Variants in SLC39A11 observed in about 807,000 individuals in gnomAD.
SLC39A11 encodes solute carrier family 39 member 11.
In SLC39A11, 33 loss-of-function variants were observed where a neutral mutation model predicts 36.1. The observed-to-expected ratio is 0.91, with a 90% CI of 0.69 to 1.22. The LOEUF is 1.22. Among genes scored for constraint, SLC39A11 ranks in the 50% most tolerant of loss-of-function variants. The probability of loss-of-function intolerance (pLI) is 0.00; values close to 1 mark genes in which losing one functional copy is unlikely to be tolerated. For missense variants in SLC39A11, 432 were observed against 430.3 expected (o/e 1.00, Z -0.03); for synonymous variants, 166 against 170.3 (o/e 0.97, Z 0.20).
intron 3 of SLC39A11, among the ~76,000 whole-genome samples, chr17:73,047,990 A>AAAAATATATAT (rs1555693446): frequency 1.2e-4 from 7 of 58,694 alleles, no homozygotes; most frequent in Non-Finnish European, 2.1e-4. Flanking sequence ...AAAAAAAAAA[A>AAAAATATATAT]ATATATATAT....
intron 6 of SLC39A11, among the ~76,000 whole-genome samples, chr17:72,820,708 A>G (rs1359523596): frequency 6.6e-6 from 1 of 151,146 alleles, no homozygotes; most frequent in East Asian, 1.9e-4. Flanking sequence ...GCATGGGGTG[A>G]GATGAGAGAT....
At position 73,084,726 on chromosome 17, in the gene SLC39A11, A is replaced by T. The variant is rs1049076097; in HGVS notation, c.147+82T>A. 24 of 1,375,124 alleles carry T rather than the reference A, an allele frequency of 1.7e-5. No homozygotes were observed. The South Asian group carries it at 2.5e-4, about 15-fold the overall frequency. The allele number at this position is 1,375,124 out of a possible 1,614,324, so 85.2% of individuals were successfully genotyped here. A position where few individuals can be genotyped will look rare whatever the true frequency, so the allele number is the denominator to read the frequency against. ...AGAGATGCATCTAGGTCGCAAGGGG[A>T]GGGACTGAAGACAGCCCTTGGCAGA... On this transcript the variant is annotated intron_variant, in intron 3 of 9. Coordinates refer to ENST00000255559, the MANE Select transcript of SLC39A11 (RefSeq NM_139177.4).
At chr17:72,999,045 T>C (rs1272213871) in intron 4 of SLC39A11, among the ~76,000 whole-genome samples, 4 of 152,290 alleles carry the variant, frequency 2.6e-5, no homozygotes, top group Non-Finnish European at 1.5e-5. Context: ...ACAATGAAGA[T>C]GGTGATGATT....
chr17:73,003,857 G>A (rs1222405598), intron 4 of SLC39A11, among the ~76,000 whole-genome samples: 4 of 152,046 alleles, frequency 2.6e-5, no homozygotes, highest in Admixed American at 6.6e-5. Flanking sequence ...AGGCTGAAGC[G>A]GGTGGATCAC....
intron 7 of SLC39A11, among the ~76,000 whole-genome samples, chr17:72,676,732 G>A (rs1367476344): frequency 3.9e-5 from 6 of 152,148 alleles, no homozygotes; most frequent in South Asian, 2.1e-4. Flanking sequence ...TATTGCTTAC[G>A]TCAAATGCTC....
chr17:72,866,642 CAGAG>C (rs1435719252), intron 5 of SLC39A11, among the ~76,000 whole-genome samples: 3 of 151,948 alleles, frequency 2.0e-5, no homozygotes, highest in Non-Finnish European at 4.4e-5. Context: ...TATACACAAC[CAGAG>C]AGAAAGACAA....
intron 4 of SLC39A11, among the ~76,000 whole-genome samples, chr17:72,975,585 C>T (rs2087785846): frequency 6.6e-6 from 1 of 152,200 alleles, no homozygotes; most frequent in African/African-American, 2.4e-5. Flanking sequence ...TCTGCTGCTG[C>T]CTTGACCTTG....
chr17:72,702,423 C>T (rs1293922297), intron 7 of SLC39A11, among the ~76,000 whole-genome samples: 2 of 152,102 alleles, frequency 1.3e-5, no homozygotes, highest in Admixed American at 6.5e-5. Flanking sequence ...GGGAAGGCAT[C>T]TAGTGGGAAG....
chr17:72,768,377 T>A (rs558422345), intron 6 of SLC39A11, among the ~76,000 whole-genome samples: 17 of 152,322 alleles, frequency 1.1e-4, no homozygotes, highest in African/African-American at 3.8e-4. Context: ...AAAGGCAAGA[T>A]AGTGAGGTGG....
intron 5 of SLC39A11, among the ~76,000 whole-genome samples, chr17:72,877,024 C>T (rs1372569456): frequency 1.3e-5 from 2 of 152,100 alleles, no homozygotes; most frequent in Non-Finnish European, 2.9e-5. Flanking sequence ...ACAAGGTAGG[C>T]TAAGAAAAAA....
chr17:72,784,859 TC>T (rs1403923088), intron 6 of SLC39A11, among the ~76,000 whole-genome samples: 3 of 102,022 alleles, frequency 2.9e-5, no homozygotes, highest in Non-Finnish European at 6.8e-5. Context: ...TTTTCTTTCT[TC>T]TTTTTTTTTT....
intron 6 of SLC39A11, among the ~76,000 whole-genome samples, chr17:72,812,983 C>A (rs1292164678): frequency 3.3e-5 from 5 of 152,188 alleles, no homozygotes; most frequent in Non-Finnish European, 7.3e-5. Context: ...GACCTGGATT[C>A]TCCCAATCCG....
intron 3 of SLC39A11, among the ~76,000 whole-genome samples, chr17:73,054,274 A>C (rs1320426933): frequency 6.6e-6 from 1 of 151,770 alleles, no homozygotes; most frequent in African/African-American, 2.4e-5. Flanking sequence ...AGGCAGGAGA[A>C]TCTCTTGAAC....
intron 6 of SLC39A11, among the ~76,000 whole-genome samples, chr17:72,807,395 G>A (rs2077292541): frequency 6.6e-6 from 1 of 152,110 alleles, no homozygotes; most frequent in South Asian, 2.1e-4. Context: ...GAATAGGAGT[G>A]TCTTTGTTTA....
At chr17:72,787,441 T>G (rs1466630004) in intron 6 of SLC39A11, among the ~76,000 whole-genome samples, 1 of 151,794 alleles carries the variant, frequency 6.6e-6, no homozygotes, top group Non-Finnish European at 1.5e-5. Flanking sequence ...GTATTTTTAG[T>G]AAAGACAGGG....
intron 6 of SLC39A11, among the ~76,000 whole-genome samples, chr17:72,843,717 C>T (rs1234551985): frequency 1.3e-5 from 2 of 152,134 alleles, no homozygotes; most frequent in Non-Finnish European, 2.9e-5. Flanking sequence ...GTAATGGCAG[C>T]CTGAACAGAC....
intron 4 of SLC39A11, among the ~76,000 whole-genome samples, chr17:72,972,553 C>T (rs1053043113): frequency 2.0e-5 from 3 of 152,176 alleles, no homozygotes; most frequent in South Asian, 2.1e-4. Flanking sequence ...TATCCTCTCC[C>T]ATTTCCATTC....
At chr17:72,699,329 G>C (rs934302282) in intron 7 of SLC39A11, among the ~76,000 whole-genome samples, 1 of 152,226 alleles carries the variant, frequency 6.6e-6, no homozygotes, top group Non-Finnish European at 1.5e-5. Flanking sequence ...TTATGAATTT[G>C]TGTTAGGCTG....
intron 7 of SLC39A11, among the ~76,000 whole-genome samples, chr17:72,679,652 T>C: frequency 6.6e-6 from 1 of 152,176 alleles, no homozygotes; most frequent in Admixed American, 6.5e-5. Flanking sequence ...TAGAGACATG[T>C]TGCAGGAGGT....
Sources: gnomAD v4.1 joint callset for allele counts (sites outside exome capture counted in the v4.1 genomes callset) on GRCh38, gnomAD v4.1.1 for gene constraint, MANE v1.5 for transcripts, NCBI Gene and HGNC (gene_info 2026-07-23, HGNC 2026-07-21) for gene names.